The following SLC25A21 variants were observed in gnomAD, a reference collection of about 807,000 sequenced individuals.
SLC25A21 encodes mitochondrial 2-oxodicarboxylate carrier.
A neutral mutation model predicts 43.8 loss-of-function variants in SLC25A21; 47 were observed. The observed-to-expected ratio is 1.07, with a 90% confidence interval of 0.85 to 1.37. SLC25A21 has a LOEUF of 1.37. Ranked by LOEUF, SLC25A21 falls within the 40% of genes most tolerant of loss-of-function variation. The probability of loss-of-function intolerance (pLI) is 0.00; values close to 1 mark genes in which losing one functional copy is unlikely to be tolerated. For synonymous variants in SLC25A21, 131 were observed against 121.3 expected (o/e 1.08, Z -0.52); for missense variants, 352 against 350.2 (o/e 1.00, Z -0.04).
intron 1 of SLC25A21, among the ~76,000 whole-genome samples, chr14:37,033,658 C>T (rs1961266321): frequency 6.6e-6 from 1 of 152,032 alleles, no homozygotes; most frequent in Admixed American, 6.5e-5. Context: ...TTTTAGTACT[C>T]CTTTTGATGG....
chr14:36,777,108 A>G (rs557951219), intron 3 of SLC25A21, among the ~76,000 whole-genome samples: 2 of 152,168 alleles, frequency 1.3e-5, no homozygotes, highest in African/African-American at 4.8e-5. Context: ...AAATACAAAA[A>G]TTAGCTGGGG....
intron 3 of SLC25A21, among the ~76,000 whole-genome samples, chr14:36,767,661 T>C (rs1390512745): frequency 6.6e-6 from 1 of 152,208 alleles, no homozygotes; most frequent in Non-Finnish European, 1.5e-5. Context: ...ACTTACTCAC[T>C]TCTTGTAGCG....
intron 2 of SLC25A21, among the ~76,000 whole-genome samples, chr14:36,845,572 GA>G (rs1288403170): frequency 3.3e-5 from 5 of 152,188 alleles, no homozygotes; most frequent in African/African-American, 1.2e-4. Flanking sequence ...GGATTTTCAG[GA>G]ATGCAAAGAA....
intron 7 of SLC25A21, among the ~76,000 whole-genome samples, chr14:36,707,181 A>G (rs938223787): frequency 2.0e-5 from 3 of 152,072 alleles, no homozygotes; most frequent in Non-Finnish European, 4.4e-5. Flanking sequence ...TCCCTTGCTA[A>G]TTTCTAACTC....
At chr14:37,104,200 A>G (rs1174976419) in intron 1 of SLC25A21, among the ~76,000 whole-genome samples, 1 of 152,198 alleles carries the variant, frequency 6.6e-6, no homozygotes, top group African/African-American at 2.4e-5. Flanking sequence ...AATTAACCTC[A>G]TAAGAGGTAT....
chr14:37,116,804 AC>A (rs1963115326), intron 1 of SLC25A21, among the ~76,000 whole-genome samples: 2 of 152,184 alleles, frequency 1.3e-5, no homozygotes, highest in Non-Finnish European at 2.9e-5. Context: ...TGATAATCAA[AC>A]TAAACAACTA....
chr14:37,003,423 C>G (rs1960530740), intron 1 of SLC25A21, among the ~76,000 whole-genome samples: 1 of 152,108 alleles, frequency 6.6e-6, no homozygotes, highest in Non-Finnish European at 1.5e-5. Context: ...CCACAGTTGA[C>G]CATGGAAAAC....
intron 2 of SLC25A21, among the ~76,000 whole-genome samples, chr14:36,852,710 T>G (rs915134027): frequency 3.3e-5 from 5 of 152,126 alleles, no homozygotes; most frequent in African/African-American, 1.2e-4. Flanking sequence ...GGTCATGGTA[T>G]TCTTTGGAGT....
intron 1 of SLC25A21, among the ~76,000 whole-genome samples, chr14:37,079,365 C>T (rs1962342770): frequency 6.6e-6 from 1 of 152,308 alleles, no homozygotes; most frequent in South Asian, 2.1e-4. Flanking sequence ...TTCCCTAATG[C>T]TCCTTGTCTT....
At chr14:36,750,658 T>C (rs1594551605) in intron 3 of SLC25A21, among the ~76,000 whole-genome samples, 1 of 152,286 alleles carries the variant, frequency 6.6e-6, no homozygotes, top group Non-Finnish European at 1.5e-5. Flanking sequence ...AGGGGAAGTT[T>C]GAAAATTTGT....
intron 1 of SLC25A21, among the ~76,000 whole-genome samples, chr14:36,939,536 GC>G (rs1892505516): frequency 6.6e-6 from 1 of 152,010 alleles, no homozygotes; most frequent in African/African-American, 2.4e-5. Context: ...GTTACCTGGA[GC>G]TTTGTCAAAT....
intron 1 of SLC25A21, among the ~76,000 whole-genome samples, chr14:36,891,757 A>T (rs560087287): frequency 7.0e-4 from 106 of 152,238 alleles, no homozygotes; most frequent in African/African-American, 2.4e-3. Context: ...AAGACTATGA[A>T]TATGTCTCTT....
intron 1 of SLC25A21, among the ~76,000 whole-genome samples, chr14:36,971,157 A>C (rs560430227): frequency 1.3e-5 from 2 of 152,292 alleles, no homozygotes; most frequent in African/African-American, 4.8e-5. Flanking sequence ...AGTTAAAATG[A>C]AATTATTTAG....
intron 1 of SLC25A21, among the ~76,000 whole-genome samples, chr14:36,906,487 G>A (rs1891537758): frequency 1.3e-5 from 2 of 151,750 alleles, no homozygotes; most frequent in Admixed American, 1.3e-4. Flanking sequence ...CTAGATTCTG[G>A]GAAGTTGTTT....
At chr14:36,902,073 T>C (rs1203065814) in intron 1 of SLC25A21, among the ~76,000 whole-genome samples, 1 of 152,242 alleles carries the variant, frequency 6.6e-6, no homozygotes, top group African/African-American at 2.4e-5. Flanking sequence ...ACTCTGTACC[T>C]TGTGTAAGTT....
chr14:36,997,232 T>C (rs2090778), intron 1 of SLC25A21, among the ~76,000 whole-genome samples: 16,102 of 152,066 alleles, frequency 0.11, 1,053 homozygotes, highest in African/African-American at 0.18. Flanking sequence ...TGAGATTCAG[T>C]TCAATATTAA....
intron 1 of SLC25A21, among the ~76,000 whole-genome samples, chr14:37,024,312 AT>A (rs1961047657): frequency 6.6e-6 from 1 of 152,050 alleles, no homozygotes; most frequent in South Asian, 2.1e-4. Flanking sequence ...TTGCATCCTA[AT>A]CCTTGTCAAC....
At chr14:37,094,481 T>C (rs535438796) in intron 1 of SLC25A21, among the ~76,000 whole-genome samples, 4 of 152,158 alleles carry the variant, frequency 2.6e-5, no homozygotes, top group African/African-American at 4.8e-5. Flanking sequence ...AGAACAAAAA[T>C]TGGAGGGAAG....
chr14:37,024,250 G>A (rs1961046284), intron 1 of SLC25A21, among the ~76,000 whole-genome samples: 1 of 152,056 alleles, frequency 6.6e-6, no homozygotes, highest in Admixed American at 6.6e-5. Flanking sequence ...TGAGCCACCT[G>A]TTTAATACTG....
Sources: allele counts gnomAD v4.1 joint callset (sites outside exome capture counted in the v4.1 genomes callset), GRCh38; gene constraint gnomAD v4.1.1; transcripts MANE v1.5; gene names NCBI Gene and HGNC (gene_info 2026-07-23, HGNC 2026-07-21).